The following DPP6 variants were observed in gnomAD, a reference collection of about 807,000 sequenced individuals.
DPP6 encodes A-type potassium channel modulatory protein DPP6.
A neutral mutation model predicts 122.6 loss-of-function variants in DPP6; 69 were observed. The ratio of observed to expected loss-of-function variants is 0.56; its 90% CI spans 0.46 to 0.69. DPP6 has a LOEUF of 0.69. DPP6 is among the 30% of genes least tolerant of loss of function. DPP6 has a pLI of 0.00. For missense variants in DPP6, 928 were observed against 1,116.9 expected (o/e 0.83, Z 2.41); for synonymous variants, 418 against 433.1 (o/e 0.97, Z 0.43).
At chr7:154,706,260 C>T (rs1586925874) in intron 7 of DPP6, among the ~76,000 whole-genome samples, 1 of 152,196 alleles carries the variant, frequency 6.6e-6, no homozygotes, top group East Asian at 1.9e-4. Context: ...TCCTTTCTTG[C>T]CTTGCCCAGG....
At chr7:154,530,451 A>G (rs1020579351) in intron 3 of DPP6, among the ~76,000 whole-genome samples, 49 of 152,174 alleles carry the variant, frequency 3.2e-4, no homozygotes, top group African/African-American at 1.2e-3. Flanking sequence ...ACACCATCTC[A>G]TGCCAGTTAT....
At chr7:154,115,100 C>G (rs1401227746) in intron 1 of DPP6, among the ~76,000 whole-genome samples, 2 of 152,174 alleles carry the variant, frequency 1.3e-5, no homozygotes, top group East Asian at 3.9e-4. Flanking sequence ...CTCGGGCTGC[C>G]CCTGTAATAT....
chr7:154,398,689 T>C (rs1815309730), intron 1 of DPP6, among the ~76,000 whole-genome samples: 1 of 152,114 alleles, frequency 6.6e-6, no homozygotes, highest in Non-Finnish European at 1.5e-5. Context: ...GAAAATGAGG[T>C]GTGCCAGGTG....
chr7:154,391,133 G>T (rs566486436), intron 1 of DPP6, among the ~76,000 whole-genome samples: 17 of 152,304 alleles, frequency 1.1e-4, no homozygotes, highest in African/African-American at 3.8e-4. Flanking sequence ...ATCACTGTCC[G>T]CCGCGCGGCA....
the DPP6 span, among the ~76,000 whole-genome samples, chr7:153,762,786 AAATAAT>A: frequency 6.6e-6 from 1 of 152,060 alleles, no homozygotes; most frequent in Non-Finnish European, 1.5e-5. Context: ...ATCTCAAAAA[AAATAAT>A]AATAAAATAA....
the DPP6 span, among the ~76,000 whole-genome samples, chr7:153,859,688 C>T: frequency 6.6e-6 from 1 of 152,204 alleles, no homozygotes; most frequent in African/African-American, 2.4e-5. Flanking sequence ...AAGAAATACC[C>T]AGACTGGGTA....
intron 8 of DPP6, among the ~76,000 whole-genome samples, chr7:154,750,301 A>G (rs1188926884): frequency 1.3e-5 from 2 of 152,160 alleles, no homozygotes; most frequent in African/African-American, 4.8e-5. Flanking sequence ...AAGTGTAGAC[A>G]TGATGTCTAC....
chr7:154,506,750 C>G (rs772049671), intron 3 of DPP6, among the ~76,000 whole-genome samples: 3 of 152,256 alleles, frequency 2.0e-5, no homozygotes, highest in Non-Finnish European at 4.4e-5. Flanking sequence ...AAATTAAGAT[C>G]TATATTTATG....
chr7:154,034,012 A>G (rs1799389842), intron 1 of DPP6, among the ~76,000 whole-genome samples: 2 of 152,214 alleles, frequency 1.3e-5, no homozygotes, highest in Non-Finnish European at 2.9e-5. Context: ...ACATTGGTAG[A>G]AGGCTCATTG....
intron 3 of DPP6, among the ~76,000 whole-genome samples, chr7:154,510,042 C>T (rs879628456): frequency 5.9e-5 from 9 of 152,124 alleles, no homozygotes; most frequent in African/African-American, 7.2e-5. Flanking sequence ...TCTGTGAATA[C>T]GTTAAAGACC....
intron 1 of DPP6, among the ~76,000 whole-genome samples, chr7:154,378,673 C>A (rs1489399714): frequency 6.6e-6 from 1 of 152,138 alleles, no homozygotes; most frequent in Non-Finnish European, 1.5e-5. Flanking sequence ...GACCCAATTA[C>A]CTTTTGTATT....
chr7:153,790,172 G>A, the DPP6 span, among the ~76,000 whole-genome samples: 1 of 151,862 alleles, frequency 6.6e-6, no homozygotes, highest in Non-Finnish European at 1.5e-5. Context: ...TTAAAAGTCC[G>A]GGTGTGCTTT....
intron 1 of DPP6, among the ~76,000 whole-genome samples, chr7:154,267,465 A>C (rs1289489683): frequency 2.0e-5 from 3 of 149,360 alleles, no homozygotes; most frequent in Non-Finnish European, 4.5e-5. Flanking sequence ...GTATATATTT[A>C]TCTCTTATAA....
chr7:154,166,243 G>A (rs1797240121), intron 1 of DPP6, among the ~76,000 whole-genome samples: 1 of 152,128 alleles, frequency 6.6e-6, no homozygotes, highest in African/African-American at 2.4e-5. Context: ...GAAATGCAAA[G>A]CCATGGCGTG....
At chr7:154,680,676 TTA>T (rs1261722015) in intron 7 of DPP6, among the ~76,000 whole-genome samples, 5 of 90,100 alleles carry the variant, frequency 5.5e-5, no homozygotes, top group African/African-American at 1.8e-4. Flanking sequence ...TAAAGCAACA[TTA>T]TATATATATT....
intron 7 of DPP6, among the ~76,000 whole-genome samples, chr7:154,707,264 C>G (rs748517378): frequency 3.3e-5 from 5 of 152,160 alleles, no homozygotes; most frequent in Admixed American, 2.0e-4. Context: ...GATTTTCTCC[C>G]ATAAATTATC....
chr7:154,616,545 G>C (rs1035341043), intron 5 of DPP6, among the ~76,000 whole-genome samples: 1 of 152,182 alleles, frequency 6.6e-6, no homozygotes, highest in Admixed American at 6.5e-5. Context: ...GGCTATGGGA[G>C]ACCATAGGCA....
intron 7 of DPP6, among the ~76,000 whole-genome samples, chr7:154,697,370 G>A (rs1482188845): frequency 6.6e-6 from 1 of 152,200 alleles, no homozygotes; most frequent in Non-Finnish European, 1.5e-5. Context: ...TCTCAGGCCA[G>A]GGCTTCCAAG....
chr7:154,837,349 C>T (rs1801163085), intron 16 of DPP6, among the ~76,000 whole-genome samples: 1 of 137,474 alleles, frequency 7.3e-6, no homozygotes, highest in Admixed American at 6.8e-5. Flanking sequence ...TGCACACATG[C>T]ACACATGCAT....
Sources: gnomAD v4.1 joint callset for allele counts (sites outside exome capture counted in the v4.1 genomes callset) on GRCh38, gnomAD v4.1.1 for gene constraint, MANE v1.5 for transcripts, NCBI Gene and HGNC (gene_info 2026-07-23, HGNC 2026-07-21) for gene names.